The following CNTNAP2 variants were observed in gnomAD, a reference collection of about 807,000 sequenced individuals.
CNTNAP2 encodes the protein contactin associated protein 2, also known as contactin-associated protein-like 2.
In CNTNAP2, 98 loss-of-function variants were observed where a neutral mutation model predicts 155.2. That is an observed-to-expected ratio of 0.63 (90% CI 0.54 to 0.75). The LOEUF is 0.75. CNTNAP2 is among the 30% of genes least tolerant of loss of function. CNTNAP2 has a pLI of 0.00. For missense variants in CNTNAP2, 1,727 were observed against 1,688.1 expected (o/e 1.02, Z -0.40); for synonymous variants, 651 against 631.2 (o/e 1.03, Z -0.47).
intron 18 of CNTNAP2, among the ~76,000 whole-genome samples, chr7:148,214,610 C>A (rs191948748): frequency 1.3e-5 from 2 of 152,082 alleles, no homozygotes; most frequent in South Asian, 2.1e-4. Context: ...TCTCTCTCTG[C>A]GGCCAGGCTG....
In CNTNAP2 at chr7:146,557,722, A is replaced by G. The variant is rs1798217984; in HGVS notation, c.98-216549A>G. Among the ~76,000 whole-genome samples, 4 of 152,190 alleles carry G rather than the reference A, an allele frequency of 2.6e-5. No individual in the cohort carries two copies. In the South Asian group the frequency reaches 8.3e-4, roughly 31 times the overall value. ...TTTATTGACTGATTAACCATTTTCTAACTCACTAATTAGGCAAACCAGAAT... is the reference window on the plus strand; with the variant it reads ...TTTATTGACTGATTAACCATTTTCTGACTCACTAATTAGGCAAACCAGAAT... On this transcript the variant is annotated intron_variant, in intron 1 of 23. Transcript: ENST00000361727.
chr7:147,001,570 G>C (rs1798423117), intron 3 of CNTNAP2, among the ~76,000 whole-genome samples: 1 of 151,896 alleles, frequency 6.6e-6, no homozygotes, highest in Non-Finnish European at 1.5e-5. Flanking sequence ...TTTAAATTCT[G>C]TACGTCTTTC....
At chr7:147,717,708 T>G (rs1039370932) in intron 13 of CNTNAP2, among the ~76,000 whole-genome samples, 11 of 152,074 alleles carry the variant, frequency 7.2e-5, no homozygotes, top group African/African-American at 2.7e-4. Flanking sequence ...AAAAAAATTT[T>G]GAGGAGAATT....
intron 1 of CNTNAP2, among the ~76,000 whole-genome samples, chr7:146,738,252 C>G (rs1199404910): frequency 6.6e-6 from 1 of 151,906 alleles, no homozygotes; most frequent in Non-Finnish European, 1.5e-5. Flanking sequence ...TTGCATTTAT[C>G]TGATAATAGT....
intron 1 of CNTNAP2, among the ~76,000 whole-genome samples, chr7:146,740,863 T>C (rs911390037): frequency 5.3e-5 from 8 of 152,228 alleles, no homozygotes; most frequent in Admixed American, 4.6e-4. Context: ...GATGTCAATA[T>C]GGCAGTTGTG....
chr7:148,119,280 T>A (rs374787931), intron 16 of CNTNAP2, among the ~76,000 whole-genome samples: 3 of 151,838 alleles, frequency 2.0e-5, no homozygotes, highest in South Asian at 2.1e-4. Flanking sequence ...TCCCACCACT[T>A]TGGGAGGCTG....
chr7:146,232,027 G>T (rs1313163287), intron 1 of CNTNAP2, among the ~76,000 whole-genome samples: 20 of 152,008 alleles, frequency 1.3e-4, no homozygotes, highest in Admixed American at 1.3e-3. Flanking sequence ...CTATACCCAT[G>T]CTAAGGTTCA....
chr7:147,286,258 T>C (rs1357839090), intron 8 of CNTNAP2, among the ~76,000 whole-genome samples: 1 of 151,980 alleles, frequency 6.6e-6, no homozygotes, highest in African/African-American at 2.4e-5. Context: ...GGGACAAAAA[T>C]AAAGGTCTAA....
At chr7:146,874,683 T>C (rs1283931143) in intron 3 of CNTNAP2, among the ~76,000 whole-genome samples, 1 of 152,198 alleles carries the variant, frequency 6.6e-6, no homozygotes, top group Non-Finnish European at 1.5e-5. Flanking sequence ...TGTGACTGTG[T>C]AACAAAATTG....
At chr7:146,165,761 A>G (rs111315067) in intron 1 of CNTNAP2, among the ~76,000 whole-genome samples, 2,324 of 152,306 alleles carry the variant, frequency 0.015, 50 homozygotes, top group African/African-American at 0.052. Context: ...AGCATAAAAC[A>G]AAAGTTAGCA....
rs576805971 is a variant in CNTNAP2 at position 147,970,652 on chromosome 7, G to C, written c.2256-7210G>C. On this transcript the variant is annotated intron_variant, in intron 14 of 23. Transcript: ENST00000361727. ...GAAATCAAACAAAAGACTCCAAAAA[G>C]TTTAGAAGCCATCCTTGAGATGCAG... is the stretch of plus-strand genomic sequence containing the variant. Among the ~76,000 whole-genome samples, 352 of 152,296 alleles carry C rather than the reference G, an allele frequency of 2.3e-3. 3 individuals are homozygous for C. Among genetic ancestry groups the C allele is most frequent in the African/African-American group, 8.2e-3 (342 of 41,570 alleles).
chr7:146,266,778 C>T (rs1799999976), intron 1 of CNTNAP2, among the ~76,000 whole-genome samples: 1 of 151,392 alleles, frequency 6.6e-6, no homozygotes, highest in South Asian at 2.1e-4. Context: ...GCACATGTGA[C>T]AAGAAAGATG....
chr7:147,757,616 CT>C (rs1204457928), intron 13 of CNTNAP2, among the ~76,000 whole-genome samples: 6 of 150,934 alleles, frequency 4.0e-5, no homozygotes, highest in South Asian at 2.1e-4. Flanking sequence ...TGTTTTTGTT[CT>C]TTTTTTTTAA....
intron 1 of CNTNAP2, among the ~76,000 whole-genome samples, chr7:146,240,737 T>C (rs1014469291): frequency 2.0e-5 from 3 of 152,192 alleles, no homozygotes. Context: ...ATCTGTAAAA[T>C]TTAGTGTTTA....
At chr7:146,983,674 G>C (rs905152705) in intron 3 of CNTNAP2, among the ~76,000 whole-genome samples, 11 of 152,152 alleles carry the variant, frequency 7.2e-5, no homozygotes, top group African/African-American at 2.4e-4. Context: ...CATTTGGCGA[G>C]TTGAAAAACA....
At chr7:147,280,067 T>C (rs973760316) in intron 8 of CNTNAP2, among the ~76,000 whole-genome samples, 2 of 151,928 alleles carry the variant, frequency 1.3e-5, no homozygotes, top group African/African-American at 2.4e-5. Context: ...ATGATGTTTG[T>C]TTTCCAAATG....
At chr7:146,735,651 TTATC>T (rs1353374245) in intron 1 of CNTNAP2, among the ~76,000 whole-genome samples, 2 of 137,308 alleles carry the variant, frequency 1.5e-5, no homozygotes, top group African/African-American at 3.6e-5. Flanking sequence ...TCTGTATTAC[TTATC>T]TATGTTTATA....
intron 11 of CNTNAP2, among the ~76,000 whole-genome samples, chr7:147,486,405 T>C (rs1798512127): frequency 6.6e-6 from 1 of 152,174 alleles, no homozygotes; most frequent in Admixed American, 6.5e-5. Context: ...GACCCTCATT[T>C]ATTAATTAAT....
At chr7:147,754,074 T>C (rs1189637048) in intron 13 of CNTNAP2, among the ~76,000 whole-genome samples, 2 of 151,526 alleles carry the variant, frequency 1.3e-5, no homozygotes, top group African/African-American at 4.9e-5. Flanking sequence ...TGGTGTCATC[T>C]AAAAAAAATA....
Sources: allele counts gnomAD v4.1 joint callset (sites outside exome capture counted in the v4.1 genomes callset), GRCh38; gene constraint gnomAD v4.1.1; transcripts MANE v1.5; gene names NCBI Gene and HGNC (gene_info 2026-07-23, HGNC 2026-07-21).